Variants in SPMIP2 observed in about 807,000 individuals in gnomAD.
The protein encoded by SPMIP2 is protein SPMIP2.
the SPMIP2 span, among the ~76,000 whole-genome samples, chr4:158,903,518 C>T: frequency 6.6e-6 from 1 of 152,282 alleles, no homozygotes; most frequent in South Asian, 2.1e-4. Flanking sequence ...TGCATCAACA[C>T]GTGTAATCAT....
the SPMIP2 span, chr4:158,973,289 A>ATAATCC: frequency 6.2e-7 from 1 of 1,612,940 alleles, no homozygotes; most frequent in Non-Finnish European, 8.5e-7. Context: ...TTTTGGGTAA[A>ATAATCC]TAATCCTTTA....
At chr4:159,045,660 T>A in the SPMIP2 span, among the ~76,000 whole-genome samples, 3 of 152,236 alleles carry the variant, frequency 2.0e-5, no homozygotes, top group African/African-American at 7.2e-5. Flanking sequence ...CACTGGGGTG[T>A]TCATTATCTG....
the SPMIP2 span, among the ~76,000 whole-genome samples, chr4:159,050,204 AT>A: frequency 0.73 from 83,744 of 114,384 alleles, 29,174 homozygotes; most frequent in East Asian, 0.92. Context: ...CCACCACTGT[AT>A]TTTTTTTTTT....
the SPMIP2 span, among the ~76,000 whole-genome samples, chr4:158,922,344 T>C: frequency 6.6e-6 from 1 of 152,052 alleles, no homozygotes; most frequent in Non-Finnish European, 1.5e-5. Context: ...CTCACTCTGC[T>C]CTGGACCACC....
chr4:159,011,745 A>G, the SPMIP2 span, among the ~76,000 whole-genome samples: 1 of 101,148 alleles, frequency 9.9e-6, no homozygotes, highest in African/African-American at 4.2e-5. Context: ...CAAGATCGAA[A>G]CTCCATCCCA....
At chr4:158,914,572 T>C in the SPMIP2 span, among the ~76,000 whole-genome samples, 1 of 152,346 alleles carries the variant, frequency 6.6e-6, no homozygotes, top group South Asian at 2.1e-4. Context: ...CATTGTGCTG[T>C]GGGATTAGAC....
the SPMIP2 span, among the ~76,000 whole-genome samples, chr4:158,960,766 AG>A: frequency 2.0e-5 from 3 of 152,160 alleles, no homozygotes; most frequent in Non-Finnish European, 4.4e-5. Flanking sequence ...CGTAGGAAAG[AG>A]CTGGATTATA....
chr4:158,960,496 G>A, the SPMIP2 span, among the ~76,000 whole-genome samples: 2 of 152,054 alleles, frequency 1.3e-5, no homozygotes, highest in Non-Finnish European at 1.5e-5. Flanking sequence ...GAAGAAGACA[G>A]GCTTTTGATT....
chr4:158,898,512 C>G, the SPMIP2 span, among the ~76,000 whole-genome samples: 1 of 152,026 alleles, frequency 6.6e-6, no homozygotes, highest in African/African-American at 2.4e-5. Context: ...CTCTTATTTC[C>G]TTGAGCAGTG....
At chr4:159,076,931 G>C in the SPMIP2 span, among the ~76,000 whole-genome samples, 1 of 151,790 alleles carries the variant, frequency 6.6e-6, no homozygotes, top group South Asian at 2.1e-4. Flanking sequence ...CACCTCCTAG[G>C]TTAGACCGAT....
At chr4:158,963,442 C>G in the SPMIP2 span, among the ~76,000 whole-genome samples, 2 of 152,192 alleles carry the variant, frequency 1.3e-5, no homozygotes, top group African/African-American at 4.8e-5. Flanking sequence ...GCTGGGACCA[C>G]AGGTGCACAC....
At chr4:158,903,981 G>A in the SPMIP2 span, among the ~76,000 whole-genome samples, 1 of 152,160 alleles carries the variant, frequency 6.6e-6, no homozygotes, top group African/African-American at 2.4e-5. Context: ...GCTCAGTGAG[G>A]ATCCCAGTAT....
the SPMIP2 span, among the ~76,000 whole-genome samples, chr4:158,950,739 C>T: frequency 7.9e-3 from 1,199 of 152,166 alleles, 20 homozygotes; most frequent in African/African-American, 0.027. Context: ...CTACTAAAAA[C>T]ACAAAAATTA....
chr4:159,043,148 T>C, the SPMIP2 span, among the ~76,000 whole-genome samples: 1 of 152,176 alleles, frequency 6.6e-6, no homozygotes, highest in East Asian at 1.9e-4. Context: ...TTCTATCCCC[T>C]ATCCAGTTTA....
the SPMIP2 span, among the ~76,000 whole-genome samples, chr4:158,984,706 C>A: frequency 6.6e-6 from 1 of 152,014 alleles, no homozygotes; most frequent in Admixed American, 6.6e-5. Flanking sequence ...GACATCCTAA[C>A]ATAACAATTA....
chr4:159,011,491 C>T, the SPMIP2 span, among the ~76,000 whole-genome samples: 1 of 152,212 alleles, frequency 6.6e-6, no homozygotes, highest in Non-Finnish European at 1.5e-5. Context: ...TGGCTCACGC[C>T]TGTAATCCCA....
chr4:158,931,555 C>G, the SPMIP2 span, among the ~76,000 whole-genome samples: 1 of 151,894 alleles, frequency 6.6e-6, no homozygotes, highest in East Asian at 1.9e-4. Flanking sequence ...CCATGCCCAG[C>G]CCAGAAATTA....
At chr4:158,916,380 G>C in the SPMIP2 span, among the ~76,000 whole-genome samples, 7 of 152,186 alleles carry the variant, frequency 4.6e-5, no homozygotes, top group Non-Finnish European at 8.8e-5. Context: ...TTTGAGCAGA[G>C]ATCTCAGTGA....
the SPMIP2 span, among the ~76,000 whole-genome samples, chr4:158,981,239 C>T: frequency 6.6e-6 from 1 of 152,124 alleles, no homozygotes; most frequent in Non-Finnish European, 1.5e-5. Flanking sequence ...CTTGGTGTAC[C>T]TGAAAGTGAC....
Sources: allele counts gnomAD v4.1 joint callset (sites outside exome capture counted in the v4.1 genomes callset), GRCh38; gene constraint gnomAD v4.1.1; transcripts MANE v1.5; gene names NCBI Gene and HGNC (gene_info 2026-07-23, HGNC 2026-07-21).